Variants in KYAT3 observed in about 807,000 individuals in gnomAD.
KYAT3 encodes the protein kynurenine aminotransferase 3, also known as kynurenine--oxoglutarate transaminase 3.
In KYAT3, 50 loss-of-function variants were observed where a neutral mutation model predicts 59.0. That is an observed-to-expected ratio of 0.85 (90% CI 0.68 to 1.07). The LOEUF is 1.07. Ranked by LOEUF, KYAT3 falls within the 50% of genes least tolerant of loss-of-function variation. The pLI, the probability that KYAT3 is intolerant of heterozygous loss-of-function variation, is 0.00. For synonymous variants in KYAT3, 148 were observed against 177.0 expected (o/e 0.84, Z 1.30); for missense variants, 497 against 533.3 (o/e 0.93, Z 0.67).
chr1:88,990,315 A>G (rs1677711797), intron 1 of KYAT3, among the ~76,000 whole-genome samples: 1 of 151,986 alleles, frequency 6.6e-6, no homozygotes, highest in African/African-American at 2.4e-5. Context: ...AAAACTCTTG[A>G]CTGTACCATC....
chr1:88,960,470 A>T (rs1676097337), intron 8 of KYAT3, among the ~76,000 whole-genome samples: 1 of 152,130 alleles, frequency 6.6e-6, no homozygotes, highest in South Asian at 2.1e-4. Context: ...ACAAAACAAA[A>T]CAGAAAAAGG....
chr1:88,968,548 T>G, intron 4 of KYAT3, 122 bp downstream of exon 4: 1 of 726,096 alleles, frequency 1.4e-6, no homozygotes. Context: ...GTTGCTAGGA[T>G]GGGACAGCTG....
chr1:88,955,124 G>A (rs1346773891), intron 9 of KYAT3, 25 bp downstream of exon 9: 1 of 1,454,400 alleles, frequency 6.9e-7, no homozygotes, highest in African/African-American at 1.4e-5. Flanking sequence ...CTATTTTTAA[G>A]CAATTAAATT....
At chr1:88,982,311 TG>T in intron 2 of KYAT3, 1 of 694,652 alleles carries the variant, frequency 1.4e-6, no homozygotes, top group Non-Finnish European at 1.9e-6. Flanking sequence ...AGATGTTTTG[TG>T]GAAGATCTTA....
intron 8 of KYAT3, 92 bp downstream of exon 8, chr1:88,961,075 T>G: frequency 7.8e-7 from 1 of 1,278,152 alleles, no homozygotes; most frequent in Non-Finnish European, 1.1e-6. Flanking sequence ...TTACAAAGAC[T>G]GTTTTAGAGT....
chr1:88,953,961 G>A (rs887558998), intron 9 of KYAT3, among the ~76,000 whole-genome samples: 19 of 150,050 alleles, frequency 1.3e-4, no homozygotes, highest in Non-Finnish European at 1.8e-4. Flanking sequence ...AGAGTGCAAT[G>A]GCCGGATCTC....
In KYAT3 at chr1:88,964,903, C is replaced by A. The variant is rs777641740; in HGVS notation, c.379G>T (p.Glu127Ter). 6.2e-7 allele frequency: 1 copy of A among 1,609,728 alleles called. No homozygotes were observed. Among genetic ancestry groups the A allele is most frequent in the Admixed American group, 1.7e-5 (1 of 58,938 alleles). ...TATGCTCCTACTGTCACAAGGATTT[C>A]TTTATTTGAATCAATTTGCTTTTGA... is the stretch of plus-strand genomic sequence containing the variant. ...LYQKQIDSNK[E>*]ILVTVGAYGS... Residue 127 changes from glutamate to a stop codon, truncating the protein, a stop_gained, in exon 5 of 14, where the codon GAA becomes TAA. Coordinates refer to ENST00000260508, the MANE Select transcript of KYAT3 (RefSeq NM_001008661.3). LOFTEE classifies it high-confidence loss of function.
At chr1:88,991,627 A>T (rs183916625) in intron 1 of KYAT3, among the ~76,000 whole-genome samples, 164 of 152,366 alleles carry the variant, frequency 1.1e-3, no homozygotes, top group Admixed American at 2.2e-3. Context: ...GGAAAGAATT[A>T]GCCAAAGTTG....
At chr1:88,983,887 G>A (rs908488879) in intron 2 of KYAT3, 35 of 1,602,918 alleles carry the variant, frequency 2.2e-5, no homozygotes, top group African/African-American at 2.7e-5. Context: ...CAAGCTCGCC[G>A]ACAGGGGCTT....
rs1000850922 is a variant in KYAT3, at chr1:88,968,896, AACAG to A, written c.159-86_159-83del. On this transcript the variant is annotated intron_variant, in intron 3 of 13. Coordinates refer to ENST00000260508, the MANE Select transcript of KYAT3 (RefSeq NM_001008661.3). Reference sequence around the variant, plus strand: ...TTTATATCTTATAGTCTTACCACAAAACAGACAAATAAGACCCTAGTTTAGTCCT... The same window carrying A: ...TTTATATCTTATAGTCTTACCACAAAACAAATAAGACCCTAGTTTAGTCCT... 176 of 1,079,250 alleles carry A rather than the reference AACAG, an allele frequency of 1.6e-4. No individual in the cohort carries two copies. In the African/African-American group the frequency reaches 2.8e-3, roughly 17 times the overall value. 66.9% of individuals were successfully genotyped at this position (1,079,250 alleles called of 1,614,324 possible).
chr1:88,931,893 A>AG (rs1674917059), downstream of KYAT3, among the ~76,000 whole-genome samples: 1 of 148,242 alleles, frequency 6.7e-6, no homozygotes, highest in Non-Finnish European at 1.5e-5. Context: ...AAAAAAAAAA[A>AG]AAAAAAAAAA....
At chr1:88,988,812 T>C (rs1054819912) in intron 1 of KYAT3, among the ~76,000 whole-genome samples, 4 of 152,222 alleles carry the variant, frequency 2.6e-5, no homozygotes, top group Admixed American at 2.6e-4. Context: ...AAAAGTTGTT[T>C]GAAAAGACGA....
chr1:88,966,176 A>G (rs1347895777), intron 4 of KYAT3, among the ~76,000 whole-genome samples: 2 of 152,192 alleles, frequency 1.3e-5, no homozygotes, highest in Non-Finnish European at 2.9e-5. Flanking sequence ...AGACATGTAT[A>G]TACCTATGTA....
At chr1:88,988,499 T>C in intron 1 of KYAT3, 148 bp from the exon 2 acceptor site, 1 of 507,856 alleles carries the variant, frequency 2.0e-6, no homozygotes, top group South Asian at 3.6e-5. Flanking sequence ...TTTCAAGTTT[T>C]CTTTCTATGA....
At chr1:88,949,056 T>G (rs966536901) in intron 11 of KYAT3, 35 bp downstream of exon 11, 4 of 1,439,938 alleles carry the variant, frequency 2.8e-6, no homozygotes, top group Non-Finnish European at 3.7e-6. Context: ...CACATAAGTT[T>G]CCGTATAGTT....
intron 2 of KYAT3, among the ~76,000 whole-genome samples, chr1:88,971,329 T>C (rs1676548027): frequency 6.6e-6 from 1 of 152,214 alleles, no homozygotes; most frequent in Non-Finnish European, 1.5e-5. Context: ...TTGTTCTTCC[T>C]GCTTCCTCTT....
chr1:88,948,091 C>CAAACAAAACAAAACAAAACA lies in KYAT3; in HGVS notation c.1141+980_1141+999dup, dbSNP rs58858903. The stretch of plus-strand genomic sequence containing the variant: ...TGGGTGACAGGGCCAGACCCTGCCT[C>CAAACAAAACAAAACAAAACA]AAACAAAACAAAACAAAACAAAACA... On this transcript the variant is annotated intron_variant, in intron 11 of 13. Coordinates refer to ENST00000260508, the MANE Select transcript of KYAT3 (RefSeq NM_001008661.3). Among the ~76,000 whole-genome samples the CAAACAAAACAAAACAAAACA allele has an allele frequency of 4.5e-3, 663 of 146,132 alleles. 1 individual carries two copies. The highest frequency in any genetic ancestry group is 6.5e-3 in the Non-Finnish European group (434 of 66,764).
downstream of KYAT3, among the ~76,000 whole-genome samples, chr1:88,932,502 T>C (rs1674929403): frequency 6.6e-6 from 1 of 152,142 alleles, no homozygotes; most frequent in East Asian, 1.9e-4. Flanking sequence ...ATTATTACTA[T>C]TATTATTTTA....
chr1:88,969,322 T>C (rs1676461335), intron 3 of KYAT3, 87 bp downstream of exon 3: 1 of 771,160 alleles, frequency 1.3e-6, no homozygotes, highest in South Asian at 1.5e-5. Flanking sequence ...TTATAGACCA[T>C]GGATGAGGCA....
Sources: gnomAD v4.1 joint callset for allele counts (sites outside exome capture counted in the v4.1 genomes callset) on GRCh38, gnomAD v4.1.1 for gene constraint, MANE v1.5 for transcripts, NCBI Gene and HGNC (gene_info 2026-07-23, HGNC 2026-07-21) for gene names.